COPB1: variants seen among roughly 807,000 people sequenced by gnomAD.
COPB1 encodes coatomer subunit beta.
A neutral mutation model predicts 108.7 loss-of-function variants in COPB1; 21 were observed. That is an observed-to-expected ratio of 0.19 (90% CI 0.14 to 0.28). COPB1 has a LOEUF of 0.28. COPB1 is among the 10% of genes least tolerant of loss of function. The pLI is 1.00. For synonymous variants in COPB1, 378 were observed against 386.8 expected, an observed-to-expected ratio of 0.98 and a Z score of 0.27; for missense variants, 919 against 1,141.3, an observed-to-expected ratio of 0.81 and a Z score of 2.81.
At chr11:14,492,963 T>C (rs1186973003) in intron 4 of COPB1, among the ~76,000 whole-genome samples, 4 of 152,040 alleles carry the variant, frequency 2.6e-5, no homozygotes, top group Non-Finnish European at 5.9e-5. Context: ...CTGGCCAACA[T>C]GGTGAAACCC....
At chr11:14,498,613 C>T (rs1851079617) in intron 2 of COPB1, among the ~76,000 whole-genome samples, 1 of 152,132 alleles carries the variant, frequency 6.6e-6, no homozygotes, top group Non-Finnish European at 1.5e-5. Context: ...AATATCTAAA[C>T]TATTACAATT....
chr11:14,483,172 A>G, intron 7 of COPB1, 21 bp from the exon 8 acceptor site: 2 of 1,511,164 alleles, frequency 1.3e-6, no homozygotes, highest in East Asian at 2.3e-5. Flanking sequence ...AAAGAAATAC[A>G]TTTTAAGAAG....
In COPB1 at chr11:14,479,569, T is replaced by C. The variant is rs574189570; in HGVS notation, c.1358A>G (p.Lys453Arg). Residue 453 changes from lysine (K) to arginine (R), a missense_variant and splice_region_variant, in exon 11 of 22, where the codon AAG (lysine) becomes AGG (arginine). Coordinates refer to ENST00000439561, the MANE Select transcript of COPB1 (RefSeq NM_001144061.2). ...ACATTTAAATGTATTTTAAACCTAC[T>C]TGACAGATTTAATAGCATGAAAGAC... ...LEVFHAIKSV[K>R]IYRGALWILG... The C allele has an allele frequency of 1.0e-5, 16 of 1,600,064 alleles. No homozygotes were observed. The highest frequency in any genetic ancestry group is 8.9e-5 in the Admixed American group (5 of 55,990).
chr11:14,487,204 TG>T (rs1850792530), intron 6 of COPB1, among the ~76,000 whole-genome samples: 1 of 152,224 alleles, frequency 6.6e-6, no homozygotes, highest in African/African-American at 2.4e-5. Flanking sequence ...TTTTCTCTTT[TG>T]AAGTCAGTAT....
At position 14,469,566 on chromosome 11, in the gene COPB1, A is replaced by C; in HGVS notation, c.1738-3T>G. ...AACATAGCCTCAGCAACAAAAGACTAAGAAAGTAAAGAAATCGGTTACTGA... is the reference window on the plus strand; with the variant it reads ...AACATAGCCTCAGCAACAAAAGACTCAGAAAGTAAAGAAATCGGTTACTGA... On this transcript the variant is annotated splice_region_variant and splice_polypyrimidine_tract_variant and intron_variant, in intron 14 of 21. Coordinates refer to ENST00000439561, the MANE Select transcript of COPB1 (RefSeq NM_001144061.2). 4 of 1,609,830 alleles carry C rather than the reference A, an allele frequency of 2.5e-6. No homozygotes were observed. Among genetic ancestry groups the C allele is most frequent in the Non-Finnish European group, 3.4e-6 (4 of 1,176,228 alleles).
chr11:14,488,429 A>T, intron 6 of COPB1, 63 bp downstream of exon 6: 1 of 900,458 alleles, frequency 1.1e-6, no homozygotes, highest in Non-Finnish European at 1.7e-6. Flanking sequence ...CCCAGAAAGA[A>T]AGTATTTAAC....
chr11:14,499,606 C>CA (rs1565027641), intron 1 of COPB1, 101 bp downstream of exon 1: 1 of 151,058 alleles, frequency 6.6e-6, no homozygotes, highest in East Asian at 2.0e-4. Flanking sequence ...CCCGTACCCC[C>CA]ACCCGGTCCC....
intron 4 of COPB1, 27 bp from the exon 5 acceptor site, chr11:14,490,706 A>G (rs777657914): frequency 3.7e-5 from 46 of 1,242,468 alleles, no homozygotes; most frequent in Non-Finnish European, 5.0e-5. Flanking sequence ...TAACATCCAT[A>G]TTTAATAAAA....
At chr11:14,496,147 T>C (rs1447428568) in intron 2 of COPB1, among the ~76,000 whole-genome samples, 1 of 152,222 alleles carries the variant, frequency 6.6e-6, no homozygotes, top group Non-Finnish European at 1.5e-5. Context: ...CTTTCTATAT[T>C]TGAAGCATAA....
intron 18 of COPB1, among the ~76,000 whole-genome samples, chr11:14,463,982 G>A (rs773132921): frequency 7.9e-5 from 12 of 151,976 alleles, no homozygotes; most frequent in African/African-American, 1.5e-4. Flanking sequence ...TAGTACTGTC[G>A]CAAAAAGATA....
Position 14,499,030 on chromosome 11 carries a change from A to AC in COPB1, c.-57-46_-57-45insG, listed in dbSNP as rs1851090984. 1.8e-5 allele frequency: 18 copies of AC among 982,122 alleles called. 1 individual carries two copies. The highest frequency in any genetic ancestry group is 7.9e-5 in the East Asian group (3 of 37,860). 60.8% of individuals were successfully genotyped at this position (982,122 alleles called of 1,614,324 possible). ...CATATCATTACAAATTAAAAAAAAA[A>AC]AACCCACAAACAAGTACCTATAGTG... On this transcript the variant is annotated intron_variant, in intron 1 of 21. Coordinates refer to ENST00000439561, the MANE Select transcript of COPB1 (RefSeq NM_001144061.2).
At chr11:14,471,930 ATTT>A (rs891790987) in intron 14 of COPB1, among the ~76,000 whole-genome samples, 1 of 151,700 alleles carries the variant, frequency 6.6e-6, no homozygotes, top group Non-Finnish European at 1.5e-5. Context: ...CTAAAAAAAA[ATTT>A]TTTTTTAGAT....
At chr11:14,461,621 G>A (rs143006611) in intron 18 of COPB1, among the ~76,000 whole-genome samples, 42 of 152,284 alleles carry the variant, frequency 2.8e-4, no homozygotes, top group Non-Finnish European at 5.3e-4. Context: ...GATAGGATTC[G>A]AACTCAGGCA....
At position 14,469,682 on chromosome 11, in the gene COPB1, T is replaced by A; in HGVS notation, c.1738-119A>T. On this transcript the variant is annotated intron_variant, in intron 14 of 21. Transcript: ENST00000439561. ...TCACCTGAATAAGATTTCAAATTCT[T>A]TGGATTTTATGTCCATATCTGTTTT... The A allele has an allele frequency of 4.6e-6, 4 of 865,614 alleles. No individual in the cohort carries two copies. In the South Asian group the frequency reaches 6.7e-5, roughly 14 times the overall value. The allele number at this position is 865,614 out of a possible 1,614,324, so 53.6% of individuals were successfully genotyped here.
At chr11:14,495,510 T>C (rs1010733156) in intron 2 of COPB1, among the ~76,000 whole-genome samples, 1 of 152,194 alleles carries the variant, frequency 6.6e-6, no homozygotes, top group Admixed American at 6.5e-5. Context: ...ACAGAACTCT[T>C]CATTTAATAG....
At chr11:14,491,293 C>T (rs1850896431) in intron 4 of COPB1, among the ~76,000 whole-genome samples, 1 of 152,156 alleles carries the variant, frequency 6.6e-6, no homozygotes, top group African/African-American at 2.4e-5. Flanking sequence ...AGTGATCCAC[C>T]CACCTCGGCT....
At position 14,458,967 on chromosome 11, in the gene COPB1, C is replaced by T. The variant is rs554821011; in HGVS notation, c.2647-280G>A. Among the ~76,000 whole-genome samples the T allele has an allele frequency of 1.1e-4, 16 of 152,248 alleles. No individual in the cohort carries two copies. In the East Asian group the frequency reaches 2.3e-3, roughly 22 times the overall value. ...AATTTTAGTAGAGACAGGGTTTCACCATGTTGGCCAGGCTGGTCTTGAACT... is the reference window on the plus strand; with the variant it reads ...AATTTTAGTAGAGACAGGGTTTCACTATGTTGGCCAGGCTGGTCTTGAACT... On this transcript the variant is annotated intron_variant, in intron 20 of 21. Transcript: ENST00000439561.
intron 6 of COPB1, among the ~76,000 whole-genome samples, chr11:14,488,189 G>A (rs1160382924): frequency 6.6e-6 from 1 of 152,030 alleles, no homozygotes. Flanking sequence ...TTATTTTAAA[G>A]CCTAATTATA....
At chr11:14,483,173 T>A in intron 7 of COPB1, 22 bp from the exon 8 acceptor site, 4 of 1,503,448 alleles carry the variant, frequency 2.7e-6, no homozygotes, top group Non-Finnish European at 3.6e-6. Flanking sequence ...AAGAAATACA[T>A]TTTAAGAAGT....
Sources: allele counts gnomAD v4.1 joint callset (sites outside exome capture counted in the v4.1 genomes callset), GRCh38; gene constraint gnomAD v4.1.1; transcripts MANE v1.5; gene names NCBI Gene and HGNC (gene_info 2026-07-23, HGNC 2026-07-21).